The following NSD3 variants were observed in gnomAD, a reference collection of about 807,000 sequenced individuals.
The protein encoded by NSD3 is nuclear receptor binding SET domain protein 3, also known as histone-lysine N-methyltransferase NSD3.
In NSD3, 24 loss-of-function variants were observed where a neutral mutation model predicts 160.8. The ratio of observed to expected loss-of-function variants is 0.15; its 90% CI spans 0.11 to 0.21. NSD3 has a LOEUF of 0.21. Ranked by LOEUF, NSD3 falls within the 10% of genes least tolerant of loss-of-function variation. The probability of loss-of-function intolerance (pLI) is 1.00; values close to 1 mark genes in which losing one functional copy is unlikely to be tolerated. For synonymous variants in NSD3, 520 were observed against 600.0 expected (o/e 0.87, Z 1.95); for missense variants, 1,157 against 1,735.9 (o/e 0.67, Z 5.93).
At chr8:38,304,791 A>C in intron 13 of NSD3, 34 bp from the exon 14 acceptor site, 2 of 1,564,156 alleles carry the variant, frequency 1.3e-6, no homozygotes, top group Non-Finnish European at 1.7e-6. Context: ...GAATCTAATA[A>C]GGCATCAGCG....
chr8:38,374,260 AG>A (rs1217798898), intron 1 of NSD3, among the ~76,000 whole-genome samples: 2 of 152,178 alleles, frequency 1.3e-5, no homozygotes, highest in African/African-American at 2.4e-5. Flanking sequence ...CCTGGGCAAG[AG>A]AGCAAGACCC....
intron 7 of NSD3, among the ~76,000 whole-genome samples, chr8:38,323,735 G>A (rs1171020284): frequency 6.6e-6 from 1 of 150,996 alleles, no homozygotes; most frequent in Admixed American, 6.6e-5. Flanking sequence ...GGCTGAGGTA[G>A]GAGGATCTCT....
chr8:38,286,755 A>G (rs1367421222), intron 19 of NSD3, among the ~76,000 whole-genome samples: 1 of 152,076 alleles, frequency 6.6e-6, no homozygotes, highest in Admixed American at 6.6e-5. Flanking sequence ...GCTCCTCCCC[A>G]GGCACAGAAC....
At chr8:38,351,417 C>A (rs1233532310) in intron 1 of NSD3, among the ~76,000 whole-genome samples, 1 of 151,122 alleles carries the variant, frequency 6.6e-6, no homozygotes, top group Non-Finnish European at 1.5e-5. Context: ...GTAATCCCAG[C>A]ACTTTGGGAG....
chr8:38,276,535 C>G (rs1444532985), intron 22 of NSD3, 35 bp from the exon 23 acceptor site: 2 of 1,610,300 alleles, frequency 1.2e-6, no homozygotes, highest in Admixed American at 1.7e-5. Flanking sequence ...TTTCAAACAT[C>G]ACAGACAGTG....
intron 4 of NSD3, among the ~76,000 whole-genome samples, chr8:38,332,897 C>T (rs998964752): frequency 6.6e-6 from 1 of 152,036 alleles, no homozygotes; most frequent in African/African-American, 2.4e-5. Flanking sequence ...AATGCAGGAA[C>T]TGATCTTTTC....
chr8:38,313,592 T>C (rs1461235159), intron 12 of NSD3, among the ~76,000 whole-genome samples: 1 of 151,914 alleles, frequency 6.6e-6, no homozygotes, highest in Admixed American at 6.6e-5. Flanking sequence ...ATCGAGACCA[T>C]CCTGGCTAAC....
Position 38,296,674 on chromosome 8 carries a change from CTGTGTGTGTGTG to C in NSD3, c.2759-734_2759-723del, listed in dbSNP as rs57485296. ...CCTCTCTTTCTCTCTCTCTCTCCCT[CTGTGTGTGTGTG>C]TGTGTGTGTGTGTGTGTGTGTGTGT... On this transcript the variant is annotated intron_variant, in intron 15 of 23. Coordinates refer to ENST00000317025, the MANE Select transcript of NSD3 (RefSeq NM_023034.2). Among the ~76,000 whole-genome samples the C allele has an allele frequency of 2.1e-3, 299 of 142,286 alleles. 1 individual carries two copies. The highest frequency in any genetic ancestry group is 4.9e-3 in the African/African-American group (185 of 37,596). 93.3% of individuals were successfully genotyped at this position (142,286 alleles called of 152,430 possible).
At chr8:38,335,322 A>G (rs1810190439) in intron 4 of NSD3, among the ~76,000 whole-genome samples, 1 of 152,168 alleles carries the variant, frequency 6.6e-6, no homozygotes, top group African/African-American at 2.4e-5. Context: ...AAATGTAAAT[A>G]CTTCCTTTGA....
intron 2 of NSD3, among the ~76,000 whole-genome samples, chr8:38,341,858 A>G (rs1271282203): frequency 6.6e-6 from 1 of 151,648 alleles, no homozygotes; most frequent in Non-Finnish European, 1.5e-5. Context: ...AGGTGGGAGG[A>G]TTGTTTGAGC....
intron 15 of NSD3, 140 bp downstream of exon 15, chr8:38,299,304 G>C: frequency 1.2e-6 from 1 of 812,618 alleles, no homozygotes; most frequent in Non-Finnish European, 1.8e-6. Context: ...GCCATATGAA[G>C]AAACAGTCAC....
rs375335048 is a variant in NSD3 at position 38,279,529 on chromosome 8, C to T, written c.3760+11G>A. 9 of 1,612,768 alleles carry T rather than the reference C, an allele frequency of 5.6e-6. No individual in the cohort carries two copies. In the African/African-American group the frequency reaches 1.2e-4, roughly 21 times the overall value. On this transcript the variant is annotated intron_variant, in intron 21 of 23. Coordinates refer to ENST00000317025, the MANE Select transcript of NSD3 (RefSeq NM_023034.2). ...AGGGAGGAAAGCATGGGGAACGAGTCACTTTTTTACCTGCAGGAATATCAC... is the reference window on the plus strand; with the variant it reads ...AGGGAGGAAAGCATGGGGAACGAGTTACTTTTTTACCTGCAGGAATATCAC...
intron 1 of NSD3, among the ~76,000 whole-genome samples, chr8:38,357,745 G>A (rs183148763): frequency 7.2e-5 from 11 of 152,256 alleles, no homozygotes; most frequent in African/African-American, 2.6e-4. Flanking sequence ...CTAACTCAAA[G>A]GCTCAGAGGA....
Position 38,347,796 on chromosome 8 carries a change from C to T in NSD3, c.376G>A (p.Glu126Lys). ...GGTGGCTGTGGAGGGGAAGGTTTTT[C>T]CAGAATTTCATGTGGTCTTGTGTTT... ...IPNTRPHEIL[E>K]KPSPPQPPPP... The change falls in exon 2 of 24, where the codon GAA becomes AAA. Residue 126 changes from glutamate (E) to lysine (K), a missense_variant. Coordinates refer to ENST00000317025, the MANE Select transcript of NSD3 (RefSeq NM_023034.2). 1 of 1,613,848 alleles carries T rather than the reference C, an allele frequency of 6.2e-7. No homozygotes were observed. The highest frequency in any genetic ancestry group is 8.5e-7 in the Non-Finnish European group (1 of 1,180,032).
At position 38,314,782 on chromosome 8, in the gene NSD3, T is replaced by C. The variant is rs781336759; in HGVS notation, c.2116-9A>G. ...CCAGAGCTTTCACAAATCTGTAATA[T>C]GGCAAAAAGCAGTGGTTCTCAAACT... On this transcript the variant is annotated splice_polypyrimidine_tract_variant and intron_variant, in intron 11 of 23. Transcript: ENST00000317025. 5.6e-5 allele frequency: 91 copies of C among 1,612,406 alleles called. 1 individual carries two copies. In the Middle Eastern group the frequency reaches 6.6e-4, roughly 12 times the overall value.
intron 14 of NSD3, chr8:38,299,850 T>C (rs1809240177): frequency 3.2e-6 from 1 of 314,664 alleles, no homozygotes; most frequent in African/African-American, 2.1e-5. Context: ...TTTGAAGATA[T>C]AAACACTTGA....
intron 12 of NSD3, among the ~76,000 whole-genome samples, chr8:38,309,329 G>A (rs768127742): frequency 7.9e-5 from 12 of 152,166 alleles, no homozygotes; most frequent in Middle Eastern, 3.4e-3. Flanking sequence ...TTAGTCGGGC[G>A]TGGTGGTGTG....
In NSD3 at chr8:38,288,346, G is replaced by A; in HGVS notation, c.3501+141C>T. The A allele has an allele frequency of 1.6e-6, 2 of 1,221,674 alleles. No individual in the cohort carries two copies. Among genetic ancestry groups the A allele is most frequent in the Non-Finnish European group, 1.1e-6 (1 of 887,930 alleles). 75.7% of individuals were successfully genotyped at this position (1,221,674 alleles called of 1,614,324 possible). A position where few individuals can be genotyped will look rare whatever the true frequency, so the allele number is the denominator to read the frequency against. On this transcript the variant is annotated intron_variant, in intron 19 of 23. Transcript: ENST00000317025. This position sits in a 1 kb window ranked among gnomAD's most constrained non-coding sequence, Gnocchi z 4.5. The stretch of plus-strand genomic sequence containing the variant: ...CCTACTACTCTTCTTTGCTCAAGAA[G>A]TACCAAACTCTCAACATGGAAAGTT...
In NSD3 at chr8:38,290,495, A is replaced by T; in HGVS notation, c.3098T>A (p.Ile1033Asn). The T allele has an allele frequency of 1.9e-6, 3 of 1,614,148 alleles. No homozygotes were observed. The highest frequency in any genetic ancestry group is 2.5e-6 in the Non-Finnish European group (3 of 1,180,012). ...DKSFAEGQTSINKTFKKALEE... is the reference protein window; with the variant it reads ...DKSFAEGQTSNNKTFKKALEE... ...CTTACCCTTTTTGAAGGTCTTGTTA[A>T]TACTAGTCTGCCCTTCAGCAAAGCT... is the stretch of plus-strand genomic sequence containing the variant. The change falls in exon 17 of 24, where the codon ATT (isoleucine) becomes AAT (asparagine). Residue 1033 changes from isoleucine (I) to asparagine (N), a missense_variant. Physicochemically the swap from Ile to Asn is moderately radical, Grantham distance 149. Coordinates refer to ENST00000317025, the MANE Select transcript of NSD3 (RefSeq NM_023034.2).
Sources: gnomAD v4.1 joint callset for allele counts (sites outside exome capture counted in the v4.1 genomes callset) on GRCh38, gnomAD v4.1.1 for gene constraint, Gnocchi (gnomAD v3.1) non-coding constraint, MANE v1.5 for transcripts, NCBI Gene and HGNC (gene_info 2026-07-23, HGNC 2026-07-21) for gene names.